The following AKAP1 variants were observed in gnomAD, a reference collection of about 807,000 sequenced individuals.
AKAP1 encodes the protein A-kinase anchoring protein 1.
AKAP1 carries 32 observed loss-of-function variants against 79.8 expected under a neutral mutation model. That is an observed-to-expected ratio of 0.40 (90% CI 0.30 to 0.54). The LOEUF is 0.54. Among genes scored for constraint, AKAP1 ranks in the 20% least tolerant of loss-of-function variants. AKAP1 has a pLI of 0.47. For missense variants in AKAP1, 961 were observed against 1,138.9 expected (o/e 0.84, Z 2.25); for synonymous variants, 416 against 466.7 (o/e 0.89, Z 1.40).
At chr17:57,091,235 A>C (rs1913764202) in intron 1 of AKAP1, among the ~76,000 whole-genome samples, 1 of 152,354 alleles carries the variant, frequency 6.6e-6, no homozygotes, top group African/African-American at 2.4e-5. Context: ...GCCGTGCTGC[A>C]AATAACCTCC....
chr17:57,088,633 C>T (rs1025144133), intron 1 of AKAP1, among the ~76,000 whole-genome samples: 16 of 152,190 alleles, frequency 1.1e-4, no homozygotes, highest in Admixed American at 1.0e-3. Flanking sequence ...ATTCTTAAAT[C>T]CCTGGGCTTT....
At chr17:57,094,169 G>A (rs1364799407) in intron 1 of AKAP1, 1 of 152,132 alleles carries the variant, frequency 6.6e-6, no homozygotes, top group African/African-American at 2.4e-5. Context: ...GGGGAAAGTG[G>A]CTCTCACTGT....
At position 57,105,383 on chromosome 17, in the gene AKAP1, AG is replaced by A. The variant is rs1365060613; in HGVS notation, c.-24-57del. The A allele has an allele frequency of 3.7e-5, 57 of 1,539,410 alleles. No homozygotes were observed. The Middle Eastern group carries it at 8.8e-4, about 24-fold the overall frequency. On this transcript the variant is annotated intron_variant, in intron 1 of 10. Coordinates refer to ENST00000337714, the MANE Select transcript of AKAP1 (RefSeq NM_003488.4). Reference sequence around the variant, plus strand: ...TGACTGTCTTGCATGTGCGGTTGCCAGTATCCTCCTACCTGGCTCTGTAACA... The same window carrying A: ...TGACTGTCTTGCATGTGCGGTTGCCATATCCTCCTACCTGGCTCTGTAACA...
chr17:57,116,321 G>A, intron 7 of AKAP1, 60 bp downstream of exon 7: 1 of 1,599,478 alleles, frequency 6.3e-7, no homozygotes. Context: ...CGTGATCTCT[G>A]CGTGGCTGGC....
At position 57,098,805 on chromosome 17, in the gene AKAP1, A is replaced by G. The variant is rs997057676; in HGVS notation, c.-24-6636A>G. On this transcript the variant is annotated intron_variant, in intron 1 of 10. Coordinates refer to ENST00000337714, the MANE Select transcript of AKAP1 (RefSeq NM_003488.4). ...GAGACGGAGTCTCACTCTGTTGCCC[A>G]GGCTGGACTGCAGTGGTGCGATCTC... 8.9e-5 allele frequency among the ~76,000 whole-genome samples: 12 copies of G among 134,982 alleles called. 1 individual carries two copies. Among genetic ancestry groups the G allele is most frequent in the African/African-American group, 3.1e-4 (11 of 34,936 alleles). The allele number at this position is 134,982 out of a possible 152,430, so 88.6% of individuals were successfully genotyped here.
At chr17:57,098,953 A>G (rs1268888174) in intron 1 of AKAP1, among the ~76,000 whole-genome samples, 3 of 150,460 alleles carry the variant, frequency 2.0e-5, no homozygotes, top group Non-Finnish European at 4.4e-5. Flanking sequence ...TATTTTTAGT[A>G]GAGGCGGGGT....
intron 1 of AKAP1, among the ~76,000 whole-genome samples, chr17:57,090,766 G>A (rs146782687): frequency 8.5e-5 from 13 of 152,188 alleles, no homozygotes; most frequent in African/African-American, 2.4e-4. Flanking sequence ...TGCAACCATC[G>A]GGTGCTTTTG....
intron 3 of AKAP1, 86 bp from the exon 4 acceptor site, chr17:57,111,712 T>A (rs557683820): frequency 6.6e-7 from 1 of 1,514,208 alleles, no homozygotes; most frequent in Non-Finnish European, 9.1e-7. Context: ...TTGAGCATGA[T>A]CTTGTGTAAA....
intron 1 of AKAP1, among the ~76,000 whole-genome samples, chr17:57,097,158 G>C (rs1200210950): frequency 6.6e-6 from 1 of 152,090 alleles, no homozygotes; most frequent in African/African-American, 2.4e-5. Flanking sequence ...TCCCTCCCAT[G>C]CCCAAAGATA....
At chr17:57,118,903 T>TGGGGATTATGGG in intron 9 of AKAP1, 79 bp from the exon 10 acceptor site, 1 of 1,480,118 alleles carries the variant, frequency 6.8e-7, no homozygotes, top group Non-Finnish European at 9.4e-7. Context: ...ATGGGGATTA[T>TGGGGATTATGGG]GGAGATGACA....
intron 1 of AKAP1, among the ~76,000 whole-genome samples, chr17:57,087,778 T>C (rs1201765733): frequency 1.3e-5 from 2 of 152,218 alleles, no homozygotes; most frequent in Non-Finnish European, 2.9e-5. Context: ...CCCTAAGCTT[T>C]GCTGGCTAGC....
At chr17:57,100,414 T>G (rs918030204) in intron 1 of AKAP1, among the ~76,000 whole-genome samples, 30 of 138,154 alleles carry the variant, frequency 2.2e-4, no homozygotes, top group African/African-American at 8.7e-4. Context: ...GGTGTGAAAC[T>G]CCATCTCTGC....
In AKAP1 at chr17:57,114,605, T is replaced by C; in HGVS notation, c.2250T>C (p.Pro750=). 1 of 1,614,094 alleles carries C rather than the reference T, an allele frequency of 6.2e-7. No individual in the cohort carries two copies. Among genetic ancestry groups the C allele is most frequent in the South Asian group, 1.1e-5 (1 of 91,062 alleles). ...DQQMYLCYSQ[P]GIPTLPTPVE... ...AGATGTACCTCTGTTACTCTCAGCC[T>C]GGAATCCCCACCTTGCCCACCCCAG... The change falls in exon 6 of 11, where the codon CCT becomes CCC. Residue 750 remains proline (P), a synonymous_variant. Coordinates refer to ENST00000337714, the MANE Select transcript of AKAP1 (RefSeq NM_003488.4).
intron 2 of AKAP1, among the ~76,000 whole-genome samples, chr17:57,109,254 G>A (rs886070564): frequency 9.2e-5 from 14 of 152,086 alleles, no homozygotes; most frequent in African/African-American, 2.9e-4. Context: ...TTTTTGTGAC[G>A]GTCCCTTTGG....
chr17:57,115,246 T>C (rs369732882), intron 6 of AKAP1, among the ~76,000 whole-genome samples: 1 of 152,356 alleles, frequency 6.6e-6, no homozygotes, highest in Admixed American at 6.5e-5. Context: ...CACCAGGGGA[T>C]GGCAGGGTCA....
intron 1 of AKAP1, among the ~76,000 whole-genome samples, chr17:57,089,563 T>A (rs937932249): frequency 6.6e-6 from 1 of 152,198 alleles, no homozygotes. Flanking sequence ...GTCAAGAACA[T>A]TTTCCATAAT....
At chr17:57,113,366 C>T (rs918196667) in intron 5 of AKAP1, among the ~76,000 whole-genome samples, 2 of 151,954 alleles carry the variant, frequency 1.3e-5, no homozygotes, top group African/African-American at 2.4e-5. Flanking sequence ...CTGACTATAG[C>T]TCCAAGGAAA....
At chr17:57,102,940 T>C (rs922079768) in intron 1 of AKAP1, among the ~76,000 whole-genome samples, 12 of 151,666 alleles carry the variant, frequency 7.9e-5, no homozygotes, top group African/African-American at 2.9e-4. Context: ...ATTAGCCAAG[T>C]GTGGTGGTGG....
chr17:57,110,278 G>T, intron 3 of AKAP1, 120 bp downstream of exon 3: 1 of 1,406,100 alleles, frequency 7.1e-7, no homozygotes. Flanking sequence ...AAGGAGCCCT[G>T]GGTCAGCCAA....
Sources: allele counts gnomAD v4.1 joint callset (sites outside exome capture counted in the v4.1 genomes callset), GRCh38; gene constraint gnomAD v4.1.1; transcripts MANE v1.5; gene names NCBI Gene and HGNC (gene_info 2026-07-23, HGNC 2026-07-21).